SMAD3: variants seen among roughly 807,000 people sequenced by gnomAD.
SMAD3 encodes SMAD family member 3, also known as MAD homolog 3.
Under a neutral mutation model 51.8 loss-of-function variants are expected in SMAD3, and 12 were observed. The ratio of observed to expected loss-of-function variants is 0.23; its 90% CI spans 0.15 to 0.38. The LOEUF is 0.38. Ranked by LOEUF, SMAD3 falls within the 10% of genes least tolerant of loss-of-function variation. The pLI, the probability that SMAD3 is intolerant of heterozygous loss-of-function variation, is 1.00. For synonymous variants in SMAD3, 238 were observed against 227.7 expected, an observed-to-expected ratio of 1.05 and a Z score of -0.41; for missense variants, 294 against 565.6, an observed-to-expected ratio of 0.52 and a Z score of 4.87.
intron 1 of SMAD3, among the ~76,000 whole-genome samples, chr15:67,121,744 G>T (rs1961268762): frequency 6.6e-6 from 1 of 151,604 alleles, no homozygotes; most frequent in Admixed American, 6.6e-5. Flanking sequence ...TCAGCTTCTA[G>T]TGCCTCCATT....
At chr15:67,176,069 G>A (rs991818170) in intron 5 of SMAD3, among the ~76,000 whole-genome samples, 1 of 152,176 alleles carries the variant, frequency 6.6e-6, no homozygotes, top group Non-Finnish European at 1.5e-5. Context: ...AGGGCATGGG[G>A]GTCTCTGTGC....
In SMAD3 at chr15:67,071,977, T is replaced by A. The variant is rs1487661904; in HGVS notation, c.206+5617T>A. Among the ~76,000 whole-genome samples, 7 of 152,350 alleles carry A rather than the reference T, an allele frequency of 4.6e-5. No individual in the cohort carries two copies. The East Asian group carries it at 1.3e-3, about 29-fold the overall frequency. On this transcript the variant is annotated intron_variant, in intron 1 of 8. Transcript: ENST00000327367. ...GAACATAGGTGCTTTTAGTGGTATA[T>A]TTTTTAAAAAGTCTTTGCAAGGGTG...
chr15:67,134,958 G>A (rs890420080), intron 1 of SMAD3, among the ~76,000 whole-genome samples: 5 of 152,172 alleles, frequency 3.3e-5, no homozygotes, highest in South Asian at 2.1e-4. Flanking sequence ...GATTGGAACC[G>A]AAGCTGGCTG....
intron 1 of SMAD3, among the ~76,000 whole-genome samples, chr15:67,153,594 C>T (rs895976917): frequency 6.6e-6 from 1 of 152,120 alleles, no homozygotes; most frequent in African/African-American, 2.4e-5. Flanking sequence ...GATTTGCCCC[C>T]CAGGGGACAT....
chr15:67,142,827 G>T (rs1455627003), intron 1 of SMAD3: 1 of 453,512 alleles, frequency 2.2e-6, no homozygotes, highest in African/African-American at 2.0e-5. Flanking sequence ...GCCCTGTGGG[G>T]CAGCTGGTGG....
At chr15:67,129,263 C>T (rs1363733505) in intron 1 of SMAD3, among the ~76,000 whole-genome samples, 3 of 152,142 alleles carry the variant, frequency 2.0e-5, no homozygotes, top group Non-Finnish European at 4.4e-5. Context: ...CAAGCAGTAA[C>T]TCAGGTTTGT....
At chr15:67,157,060 C>A (rs1025583028) in intron 1 of SMAD3, among the ~76,000 whole-genome samples, 1 of 152,212 alleles carries the variant, frequency 6.6e-6, no homozygotes, top group African/African-American at 2.4e-5. Flanking sequence ...AAGTGGCCAA[C>A]ACAGTACCTG....
rs1959914440 is a variant in SMAD3, at chr15:67,066,292, G to T, written c.138G>T (p.Gly46=). ...KSLVKKLKKT[G]QLDELEKAIT... is the part of the protein sequence containing the mutation. ...TGGTCAAGAAACTCAAGAAGACGGG[G>T]CAGCTGGACGAGCTGGAGAAGGCCA... The change falls in exon 1 of 9, where the codon GGG becomes GGT. Residue 46 remains glycine, a synonymous_variant. Transcript: ENST00000327367. 6.2e-7 allele frequency: 1 copy of T among 1,613,756 alleles called. No homozygotes were observed. Among genetic ancestry groups the T allele is most frequent in the African/African-American group, 1.3e-5 (1 of 75,008 alleles).
intron 1 of SMAD3, among the ~76,000 whole-genome samples, chr15:67,145,732 C>T (rs1452040442): frequency 2.6e-5 from 4 of 152,136 alleles, no homozygotes; most frequent in Non-Finnish European, 5.9e-5. Context: ...AGGAAATGGG[C>T]CCCCGGAGAT....
At chr15:67,142,719 C>G (rs1465121603) in intron 1 of SMAD3, 3 of 327,742 alleles carry the variant, frequency 9.2e-6, no homozygotes, top group South Asian at 6.7e-5. Flanking sequence ...TTAAGACATT[C>G]AAAAACCACT....
At chr15:67,153,673 AGT>A (rs1962208118) in intron 1 of SMAD3, among the ~76,000 whole-genome samples, 1 of 152,170 alleles carries the variant, frequency 6.6e-6, no homozygotes, top group Non-Finnish European at 1.5e-5. Flanking sequence ...ACCGGCATCC[AGT>A]GTGAGGGAGC....
intron 1 of SMAD3, among the ~76,000 whole-genome samples, chr15:67,084,717 G>A (rs551976178): frequency 1.3e-5 from 2 of 152,312 alleles, no homozygotes; most frequent in East Asian, 1.9e-4. Context: ...GACTCCCAGG[G>A]TAGGGGAAAT....
At chr15:67,098,879 A>AG in intron 1 of SMAD3, 3 of 701,882 alleles carry the variant, frequency 4.3e-6, no homozygotes, top group Non-Finnish European at 7.8e-6. Context: ...CATGGATGGG[A>AG]GGGTGGACTC....
At chr15:67,108,898 T>C (rs1960940418) in intron 1 of SMAD3, among the ~76,000 whole-genome samples, 2 of 152,222 alleles carry the variant, frequency 1.3e-5, no homozygotes, top group South Asian at 4.1e-4. Flanking sequence ...TGCACTGATC[T>C]GGAGGTAGAG....
intron 1 of SMAD3, among the ~76,000 whole-genome samples, chr15:67,162,439 C>T (rs1962454546): frequency 6.6e-6 from 1 of 152,180 alleles, no homozygotes; most frequent in Non-Finnish European, 1.5e-5. Context: ...TCATCTGCTC[C>T]CCACTTCTAT....
intron 1 of SMAD3, among the ~76,000 whole-genome samples, chr15:67,113,168 C>T (rs1961059656): frequency 8.0e-6 from 1 of 124,412 alleles, no homozygotes; most frequent in Non-Finnish European, 1.6e-5. Flanking sequence ...ACTGCAAACT[C>T]TGCCTCCCGG....
At chr15:67,088,217 C>T (rs78519227) in intron 1 of SMAD3, among the ~76,000 whole-genome samples, 4,421 of 152,264 alleles carry the variant, frequency 0.029, 217 homozygotes, top group African/African-American at 0.1. Flanking sequence ...CCCTGGAGCC[C>T]GTGGCCCAGA....
intron 7 of SMAD3, chr15:67,186,744 G>C: frequency 4.4e-6 from 1 of 227,658 alleles, no homozygotes; most frequent in Non-Finnish European, 8.9e-6. Context: ...CCAGTGCCCA[G>C]AGGCCAAAAT....
chr15:67,181,190 G>C (rs763092015), intron 5 of SMAD3, 51 bp from the exon 6 acceptor site: 3 of 1,392,540 alleles, frequency 2.2e-6, no homozygotes, highest in Non-Finnish European at 3.0e-6. Context: ...CATCGAGGGA[G>C]CATGGGGCTT....
Sources: gnomAD v4.1 joint callset for allele counts (sites outside exome capture counted in the v4.1 genomes callset) on GRCh38, gnomAD v4.1.1 for gene constraint, MANE v1.5 for transcripts, NCBI Gene and HGNC (gene_info 2026-07-23, HGNC 2026-07-21) for gene names.